Variants in LCP1 observed in about 807,000 individuals in gnomAD.
LCP1 encodes the protein plastin-2.
LCP1 carries 23 observed loss-of-function variants against 72.0 expected under a neutral mutation model. The observed-to-expected ratio is 0.32, with a 90% confidence interval of 0.23 to 0.45. LCP1 has a LOEUF of 0.45. Among genes scored for constraint, LCP1 ranks in the 20% least tolerant of loss-of-function variants. The probability of loss-of-function intolerance (pLI) is 1.00; values close to 1 mark genes in which losing one functional copy is unlikely to be tolerated. For synonymous variants in LCP1, 245 were observed against 275.4 expected, an observed-to-expected ratio of 0.89 and a Z score of 1.09; for missense variants, 571 against 748.3, an observed-to-expected ratio of 0.76 and a Z score of 2.76.
In LCP1 at chr13:46,161,569, T is replaced by C. The variant is rs78954974; in HGVS notation, c.-24-1883A>G. ...TCTCCCTCCCTCTCGTCCTTTTTTC[T>C]TTCCTTCTTCCTTCCTTGTTTCCTA... On this transcript the variant is annotated intron_variant, in intron 1 of 15. Transcript: ENST00000323076. 4.0e-3 allele frequency among the ~76,000 whole-genome samples: 605 copies of C among 152,234 alleles called. 8 individuals carry two copies. Among genetic ancestry groups the C allele is most frequent in the East Asian group, 0.022 (115 of 5,186 alleles).
At chr13:46,175,219 G>C (rs1349214692) in intron 1 of LCP1, among the ~76,000 whole-genome samples, 1 of 152,186 alleles carries the variant, frequency 6.6e-6, no homozygotes, top group East Asian at 1.9e-4. Flanking sequence ...AATATTAGGG[G>C]CTCAGTAAGT....
At position 46,163,116 on chromosome 13, in the gene LCP1, C is replaced by T. The variant is rs897822882; in HGVS notation, c.-24-3430G>A. On this transcript the variant is annotated intron_variant, in intron 1 of 15. Coordinates refer to ENST00000323076, the MANE Select transcript of LCP1 (RefSeq NM_002298.5). ...GAAGTGAGGAGCCCCTCTGCCCGGCCGCCACCCCGTCTGGGAGGTGTACCC... is the reference window on the plus strand; with the variant it reads ...GAAGTGAGGAGCCCCTCTGCCCGGCTGCCACCCCGTCTGGGAGGTGTACCC... 4.6e-5 allele frequency among the ~76,000 whole-genome samples: 7 copies of T among 151,506 alleles called. 1 individual carries two copies. Among genetic ancestry groups the T allele is most frequent in the Admixed American group, 1.3e-4 (2 of 15,222 alleles).
chr13:46,148,529 A>G, intron 8 of LCP1, 82 bp from the exon 9 acceptor site: 1 of 870,668 alleles, frequency 1.1e-6, no homozygotes, highest in Non-Finnish European at 1.8e-6. Context: ...CCAAAAGCAA[A>G]CATTTTATTT....
At chr13:46,167,538 C>A (rs2138275696) in intron 1 of LCP1, among the ~76,000 whole-genome samples, 1 of 152,316 alleles carries the variant, frequency 6.6e-6, no homozygotes, top group South Asian at 2.1e-4. Flanking sequence ...CTTCCCTGAG[C>A]TTTAGACAGT....
intron 1 of LCP1, among the ~76,000 whole-genome samples, chr13:46,175,231 A>G (rs934202670): frequency 6.6e-6 from 1 of 152,216 alleles, no homozygotes; most frequent in Non-Finnish European, 1.5e-5. Flanking sequence ...TCAGTAAGTC[A>G]GTGGTGACGC....
intron 12 of LCP1, 128 bp from the exon 13 acceptor site, chr13:46,142,553 A>G: frequency 1.0e-6 from 1 of 990,792 alleles, no homozygotes; most frequent in South Asian, 1.7e-5. Context: ...TCAAGTCTCA[A>G]CTGGTTCTGC....
At chr13:46,129,482 G>A (rs944300379) in intron 15 of LCP1, among the ~76,000 whole-genome samples, 10 of 152,110 alleles carry the variant, frequency 6.6e-5, no homozygotes, top group African/African-American at 2.4e-4. Context: ...GCTCAGCTGA[G>A]CTGCTATTTG....
chr13:46,148,456 A>T lies in LCP1; in HGVS notation c.883-9T>A, dbSNP rs1056333310. ...TAATAAGCTTTTGAGTCCTGTGAGA[A>T]ATTAAGAAATTCCAATTTCAAAATA... On this transcript the variant is annotated splice_polypyrimidine_tract_variant and intron_variant, in intron 8 of 15. Coordinates refer to ENST00000323076, the MANE Select transcript of LCP1 (RefSeq NM_002298.5). The T allele has an allele frequency of 1.9e-6, 3 of 1,570,438 alleles. No individual in the cohort carries two copies. The highest frequency in any genetic ancestry group is 2.6e-6 in the Non-Finnish European group (3 of 1,148,774).
At position 46,134,107 on chromosome 13, in the gene LCP1, C is replaced by A. The variant is rs779826960; in HGVS notation, c.1626+20G>T. ...GGCATAGAGCTCAGATGGCCTCTAG[C>A]AGAAGACAAAGAATTTTACCTTGAA... is the stretch of plus-strand genomic sequence containing the variant. On this transcript the variant is annotated intron_variant, in intron 14 of 15. Transcript: ENST00000323076. 1 of 1,612,690 alleles carries A rather than the reference C, an allele frequency of 6.2e-7. No homozygotes were observed. The highest frequency in any genetic ancestry group is 8.5e-7 in the Non-Finnish European group (1 of 1,179,236).
rs568849685 is a variant in LCP1, at chr13:46,126,109, G to A, written c.*1482C>T. On this transcript the variant is annotated 3_prime_UTR_variant, in exon 16 of 16. Transcript: ENST00000323076. ...AGCAAAAATACTGGTTATGGGCTGG[G>A]AGGAGCCACATGTTGGCTTTCTGAG... The A allele has an allele frequency of 4.6e-6, 1 of 217,138 alleles. No individual in the cohort carries two copies. The highest frequency in any genetic ancestry group is 2.3e-5 in the African/African-American group (1 of 44,404). 13.5% of individuals were successfully genotyped at this position (217,138 alleles called of 1,614,324 possible). A position where few individuals can be genotyped will look rare whatever the true frequency, so the allele number is the denominator to read the frequency against.
At chr13:46,139,006 T>A (rs184869968) in intron 13 of LCP1, among the ~76,000 whole-genome samples, 210 of 152,326 alleles carry the variant, frequency 1.4e-3, no homozygotes, top group African/African-American at 4.6e-3. Context: ...TTGAAACCCA[T>A]GAGTCAGTTT....
At chr13:46,141,420 A>AAG (rs2045697503) in intron 13 of LCP1, among the ~76,000 whole-genome samples, 1 of 150,792 alleles carries the variant, frequency 6.6e-6, no homozygotes, top group African/African-American at 2.4e-5. Context: ...AAAAAAAAAA[A>AAG]AAAAAAGAAA....
chr13:46,146,253 T>G (rs2045730140), intron 10 of LCP1, among the ~76,000 whole-genome samples: 1 of 152,214 alleles, frequency 6.6e-6, no homozygotes, highest in Admixed American at 6.5e-5. Flanking sequence ...ATACTTCAAA[T>G]CTGAATCTCC....
chr13:46,132,389 C>T (rs533787615), intron 14 of LCP1, among the ~76,000 whole-genome samples: 15 of 152,274 alleles, frequency 9.9e-5, no homozygotes, highest in African/African-American at 3.4e-4. Flanking sequence ...CAGCCTCACC[C>T]CACAGGTAAA....
In LCP1 at chr13:46,126,267, A is replaced by G. The variant is rs28684760; in HGVS notation, c.*1324T>C. On this transcript the variant is annotated 3_prime_UTR_variant, in exon 16 of 16. Transcript: ENST00000323076. ...TTCACCATGATAGAGGGCGTCTTGC[A>G]TTGGTTCACAATGGCCTGTTGCTTT... The G allele has an allele frequency of 0.01, 2,288 of 228,140 alleles. 53 individuals are homozygous for G. Among genetic ancestry groups the G allele is most frequent in the African/African-American group, 0.044 (2,006 of 45,160 alleles). The allele number at this position is 228,140 out of a possible 1,614,324, so 14.1% of individuals were successfully genotyped here. A position where few individuals can be genotyped will look rare whatever the true frequency, so the allele number is the denominator to read the frequency against.
Position 46,159,391 on chromosome 13 carries a change from G to C in LCP1, c.64+208C>G, listed in dbSNP as rs112892850. 1.7e-4 allele frequency: 99 copies of C among 582,692 alleles called. No homozygotes were observed. The African/African-American group carries it at 1.8e-3, about 10-fold the overall frequency. 36.1% of individuals were successfully genotyped at this position (582,692 alleles called of 1,614,324 possible). Reference sequence around the variant, plus strand: ...ATTTCCAGGAACAAACTATGTAAGAGTAGAGTCCATATTCCATGTTTTGAT... The same window carrying C: ...ATTTCCAGGAACAAACTATGTAAGACTAGAGTCCATATTCCATGTTTTGAT... On this transcript the variant is annotated intron_variant, in intron 2 of 15. Transcript: ENST00000323076.
chr13:46,166,394 T>C (rs1011233749), intron 1 of LCP1, among the ~76,000 whole-genome samples: 3 of 152,204 alleles, frequency 2.0e-5, no homozygotes, highest in South Asian at 4.1e-4. Context: ...CTGAATCATA[T>C]AACCTGCCAG....
In LCP1 at chr13:46,126,115, C is replaced by G. The variant is rs1051994434; in HGVS notation, c.*1476G>C. The G allele has an allele frequency of 1.8e-5, 4 of 217,178 alleles. No homozygotes were observed. Among genetic ancestry groups the G allele is most frequent in the African/African-American group, 9.0e-5 (4 of 44,414 alleles). The allele number at this position is 217,178 out of a possible 1,614,324, so 13.5% of individuals were successfully genotyped here. On this transcript the variant is annotated 3_prime_UTR_variant, in exon 16 of 16. Transcript: ENST00000323076. ...AATACTGGTTATGGGCTGGGAGGAG[C>G]CACATGTTGGCTTTCTGAGTCCACT...
chr13:46,157,072 A>G (rs926286241), intron 4 of LCP1, among the ~76,000 whole-genome samples: 17 of 151,852 alleles, frequency 1.1e-4, no homozygotes, highest in East Asian at 5.8e-4. Context: ...TGCCCACCTC[A>G]GCCTCCCAAA....
Sources: gnomAD v4.1 joint callset for allele counts (sites outside exome capture counted in the v4.1 genomes callset) on GRCh38, gnomAD v4.1.1 for gene constraint, MANE v1.5 for transcripts, NCBI Gene and HGNC (gene_info 2026-07-23, HGNC 2026-07-21) for gene names.